CHRM3: variants seen among roughly 807,000 people sequenced by gnomAD.
CHRM3 encodes cholinergic receptor muscarinic 3.
CHRM3 carries 11 observed loss-of-function variants against 41.8 expected under a neutral mutation model. That is an observed-to-expected ratio of 0.26 (90% CI 0.17 to 0.44). The LOEUF (loss-of-function observed/expected upper bound fraction) is 0.44, where lower values mean the gene tolerates loss of function less well. CHRM3 is among the 20% of genes least tolerant of loss of function. The pLI, the probability that CHRM3 is intolerant of heterozygous loss-of-function variation, is 1.00. For missense variants in CHRM3, 571 were observed against 745.4 expected (o/e 0.77, Z 2.72); for synonymous variants, 297 against 301.4 (o/e 0.99, Z 0.15).
At chr1:239,685,847 A>G (rs1415826157) in intron 5 of CHRM3, among the ~76,000 whole-genome samples, 1 of 152,082 alleles carries the variant, frequency 6.6e-6, no homozygotes, top group East Asian at 1.9e-4. Context: ...ACAAAAAATA[A>G]GAACAAAAAA....
At chr1:239,607,157 C>G (rs1300675109) in intron 3 of CHRM3, among the ~76,000 whole-genome samples, 4 of 152,154 alleles carry the variant, frequency 2.6e-5, no homozygotes, top group African/African-American at 9.7e-5. Context: ...ACAAGTTCAT[C>G]TGTTGTGGGC....
chr1:239,764,209 G>A (rs1335031959), intron 5 of CHRM3, among the ~76,000 whole-genome samples: 1 of 152,032 alleles, frequency 6.6e-6, no homozygotes, highest in Non-Finnish European at 1.5e-5. Flanking sequence ...CTTCATTAAT[G>A]TGGTTATCTT....
At chr1:239,858,374 G>A (rs1640265934) in intron 6 of CHRM3, among the ~76,000 whole-genome samples, 1 of 152,096 alleles carries the variant, frequency 6.6e-6, no homozygotes, top group African/African-American at 2.4e-5. Flanking sequence ...CAGCAGAAAA[G>A]AATAACATGA....
intron 1 of CHRM3, among the ~76,000 whole-genome samples, chr1:239,410,750 CATTG>C (rs1661001789): frequency 6.6e-6 from 1 of 152,214 alleles, no homozygotes; most frequent in South Asian, 2.1e-4. Context: ...CTAGCTCCTG[CATTG>C]ACTCATCCGC....
intron 1 of CHRM3, among the ~76,000 whole-genome samples, chr1:239,445,200 A>G (rs1664036376): frequency 6.6e-6 from 1 of 152,236 alleles, no homozygotes; most frequent in African/African-American, 2.4e-5. Context: ...ATACATGGGC[A>G]ATGCTAGCTG....
intron 1 of CHRM3, among the ~76,000 whole-genome samples, chr1:239,417,468 A>G (rs915761256): frequency 6.6e-6 from 1 of 152,094 alleles, no homozygotes; most frequent in African/African-American, 2.4e-5. Flanking sequence ...TAACTTCGTT[A>G]TGAACAATAA....
chr1:239,643,117 C>T (rs541595187), intron 4 of CHRM3, among the ~76,000 whole-genome samples: 2 of 152,132 alleles, frequency 1.3e-5, no homozygotes, highest in African/African-American at 4.8e-5. Flanking sequence ...TCTGATCGTT[C>T]CTCTGGAAGT....
chr1:239,814,949 T>C (rs940628983), intron 5 of CHRM3, among the ~76,000 whole-genome samples: 2 of 152,046 alleles, frequency 1.3e-5, no homozygotes, highest in Non-Finnish European at 2.9e-5. Flanking sequence ...CTAATTTTTA[T>C]ATTTTTAGTA....
At chr1:239,733,320 G>A (rs1664124620) in intron 5 of CHRM3, among the ~76,000 whole-genome samples, 1 of 152,084 alleles carries the variant, frequency 6.6e-6, no homozygotes, top group African/African-American at 2.4e-5. Context: ...ATAGTTGAAA[G>A]AGGGGGAAGA....
chr1:239,706,925 C>T (rs1174791680), intron 5 of CHRM3: 1 of 152,220 alleles, frequency 6.6e-6, no homozygotes, highest in Non-Finnish European at 1.5e-5. Context: ...CTGGATTTAT[C>T]ATCATAAATA....
intron 2 of CHRM3, among the ~76,000 whole-genome samples, chr1:239,522,016 T>C (rs1669679221): frequency 7.7e-6 from 1 of 129,516 alleles, no homozygotes; most frequent in Admixed American, 7.6e-5. Context: ...GATGACTGAA[T>C]ATTGTTTTCT....
At chr1:239,839,959 C>T (rs1673654796) in intron 6 of CHRM3, among the ~76,000 whole-genome samples, 1 of 152,144 alleles carries the variant, frequency 6.6e-6, no homozygotes, top group African/African-American at 2.4e-5. Flanking sequence ...CTGCATCCAG[C>T]CCAGGCCTCA....
chr1:239,552,495 A>G (rs1332869836), intron 3 of CHRM3, among the ~76,000 whole-genome samples: 1 of 145,992 alleles, frequency 6.8e-6, no homozygotes, highest in Admixed American at 6.9e-5. Flanking sequence ...TACTTTACAT[A>G]AAATATATAT....
At chr1:239,603,207 A>C (rs1285999232) in intron 3 of CHRM3, among the ~76,000 whole-genome samples, 1 of 152,172 alleles carries the variant, frequency 6.6e-6, no homozygotes, top group Non-Finnish European at 1.5e-5. Context: ...ATAGGATAAT[A>C]GGTTTTGTTT....
chr1:239,639,378 G>C (rs9659747), intron 4 of CHRM3, among the ~76,000 whole-genome samples: 11,233 of 152,060 alleles, frequency 0.074, 451 homozygotes, highest in African/African-American at 0.13. Flanking sequence ...TTACGATATT[G>C]ATTCTTCCTA....
intron 5 of CHRM3, among the ~76,000 whole-genome samples, chr1:239,750,576 T>C (rs1196734976): frequency 6.6e-6 from 1 of 152,224 alleles, no homozygotes; most frequent in Non-Finnish European, 1.5e-5. Context: ...TATAGTGAAC[T>C]GTAACCTAAC....
At position 239,387,884 on chromosome 1, in the gene CHRM3, C is replaced by T. The variant is rs527338193; in HGVS notation, c.-521+657C>T. On this transcript the variant is annotated intron_variant, in intron 1 of 6. Coordinates refer to ENST00000676153, the MANE Select transcript of CHRM3 (RefSeq NM_001375978.1). The surrounding 1 kb of genome is among the most constrained non-coding windows in gnomAD (Gnocchi z 5.1). Reference sequence around the variant, plus strand: ...CCGGGGAGAGTCTGCACTCGCGAGGCAGCGGCCGCTGGACTGCACCGGTTC... The same window carrying T: ...CCGGGGAGAGTCTGCACTCGCGAGGTAGCGGCCGCTGGACTGCACCGGTTC... Among the ~76,000 whole-genome samples the T allele has an allele frequency of 6.2e-4, 94 of 152,280 alleles. No individual in the cohort carries two copies. The South Asian group carries it at 7.7e-3, about 12-fold the overall frequency.
At chr1:239,402,327 C>A (rs577551941) in intron 1 of CHRM3, among the ~76,000 whole-genome samples, 136 of 152,260 alleles carry the variant, frequency 8.9e-4, no homozygotes, top group Non-Finnish European at 1.4e-3. Flanking sequence ...TTGAATTTTC[C>A]TAAACTGCAC....
At chr1:239,666,529 CACAATT>C (rs1450415803) in intron 4 of CHRM3, among the ~76,000 whole-genome samples, 1 of 152,080 alleles carries the variant, frequency 6.6e-6, no homozygotes, top group African/African-American at 2.4e-5. Flanking sequence ...AATAATATCT[CACAATT>C]ATGTGTTCTT....
Sources: gnomAD v4.1 joint callset for allele counts (sites outside exome capture counted in the v4.1 genomes callset) on GRCh38, gnomAD v4.1.1 for gene constraint, Gnocchi (gnomAD v3.1) non-coding constraint, MANE v1.5 for transcripts, NCBI Gene and HGNC (gene_info 2026-07-23, HGNC 2026-07-21) for gene names.